The following TNC variants were observed in gnomAD, a reference collection of about 807,000 sequenced individuals.
TNC encodes tenascin C.
TNC carries 109 observed loss-of-function variants against 202.4 expected under a neutral mutation model. The ratio of observed to expected loss-of-function variants is 0.54; its 90% CI spans 0.46 to 0.63. The LOEUF (loss-of-function observed/expected upper bound fraction) is 0.63. Among genes scored for constraint, TNC ranks in the 30% least tolerant of loss-of-function variants. The pLI is 0.00. For synonymous variants in TNC, 1,007 were observed against 1,089.7 expected (o/e 0.92, Z 1.50); for missense variants, 2,756 against 2,833.3 (o/e 0.97, Z 0.62).
chr9:115,036,269 A>C (rs762196967), intron 20 of TNC, 28 bp from the exon 21 acceptor site: 11 of 1,611,918 alleles, frequency 6.8e-6, no homozygotes, highest in Middle Eastern at 3.3e-4. Flanking sequence ...ATACCAAGGC[A>C]GTCACCTCTC....
chr9:115,044,384 GACACACAC>G (rs113847516), intron 17 of TNC, among the ~76,000 whole-genome samples: 177 of 147,138 alleles, frequency 1.2e-3, no homozygotes, highest in African/African-American at 3.2e-3. Flanking sequence ...CAGGCATGTA[GACACACAC>G]ACACACACAC....
At position 115,048,293 on chromosome 9, in the gene TNC, G is replaced by A; in HGVS notation, c.4819C>T (p.Gln1607Ter). The change falls in exon 16 of 28, where the codon CAA becomes TAA. Residue 1607 changes from glutamine to a stop codon, truncating the protein, a stop_gained. Coordinates refer to ENST00000350763, the MANE Select transcript of TNC (RefSeq NM_002160.4). LOFTEE classifies it high-confidence loss of function. ...ATCTCAGCCCTCAAGGGCTTGGTTT[G>A]ATGCCCTTGGGTGAAGCCAGAGACC... ...VMVSGFTQGH[Q>*]TKPLRAEIVT... The A allele has an allele frequency of 6.2e-7, 1 of 1,614,048 alleles. No homozygotes were observed. Among genetic ancestry groups the A allele is most frequent in the Non-Finnish European group, 8.5e-7 (1 of 1,179,940 alleles).
chr9:115,082,267 A>T (rs1834361580), intron 5 of TNC, among the ~76,000 whole-genome samples: 3 of 152,198 alleles, frequency 2.0e-5, no homozygotes, highest in South Asian at 2.1e-4. Flanking sequence ...GGATAGTCAC[A>T]CAGCTGGTTG....
intron 1 of TNC, among the ~76,000 whole-genome samples, chr9:115,110,619 G>A (rs1836966896): frequency 6.6e-6 from 1 of 152,172 alleles, no homozygotes; most frequent in Non-Finnish European, 1.5e-5. Context: ...AATCGAAGAT[G>A]TTACTATTCA....
chr9:115,044,879 A>C (rs1161427804), intron 17 of TNC, among the ~76,000 whole-genome samples: 1 of 152,162 alleles, frequency 6.6e-6, no homozygotes, highest in Non-Finnish European at 1.5e-5. Flanking sequence ...ATTTCTTGCC[A>C]CTTATTAGGT....
intron 1 of TNC, among the ~76,000 whole-genome samples, chr9:115,114,235 A>G (rs1344207704): frequency 2.0e-5 from 3 of 152,218 alleles, no homozygotes; most frequent in African/African-American, 7.2e-5. Flanking sequence ...ATTCCCTACA[A>G]TCTTCTCAGA....
In TNC at chr9:115,038,194, G is replaced by C. The variant is rs202169636; in HGVS notation, c.5512+67C>G. On this transcript the variant is annotated intron_variant, in intron 20 of 27. Transcript: ENST00000350763. ...TACCAAATGTGGCAGGGAGAAGAGCGAATGGGAAGAGTTTACAGCAGGAAA... is the reference window on the plus strand; with the variant it reads ...TACCAAATGTGGCAGGGAGAAGAGCCAATGGGAAGAGTTTACAGCAGGAAA... 3 of 1,559,514 alleles carry C rather than the reference G, an allele frequency of 1.9e-6. No homozygotes were observed. In the East Asian group the frequency reaches 6.9e-5, roughly 36 times the overall value.
chr9:115,080,928 A>G (rs1834258385), intron 6 of TNC, among the ~76,000 whole-genome samples: 1 of 152,030 alleles, frequency 6.6e-6, no homozygotes, highest in African/African-American at 2.4e-5. Context: ...CTGGTGGAGC[A>G]ACTCCAAATT....
intron 1 of TNC, among the ~76,000 whole-genome samples, chr9:115,102,342 A>G (rs1355951859): frequency 6.6e-6 from 1 of 152,204 alleles, no homozygotes; most frequent in African/African-American, 2.4e-5. Context: ...GAAGTAGACC[A>G]TTAAGATGCC....
At position 115,024,143 on chromosome 9, in the gene TNC, G is replaced by C; in HGVS notation, c.6332-7C>G. 6.2e-7 allele frequency: 1 copy of C among 1,611,150 alleles called. No homozygotes were observed. Among genetic ancestry groups the C allele is most frequent in the Non-Finnish European group, 8.5e-7 (1 of 1,177,566 alleles). ...TGGTAGGCCATGGAGTCACCTGGGA[G>C]AGACAGAAAATATGGACCTGAGAAA... On this transcript the variant is annotated splice_region_variant and splice_polypyrimidine_tract_variant and intron_variant, in intron 26 of 27. Transcript: ENST00000350763.
At chr9:115,038,240 G>A (rs1249769970) in intron 20 of TNC, 21 bp downstream of exon 20, 2 of 1,611,390 alleles carry the variant, frequency 1.2e-6, no homozygotes, top group Non-Finnish European at 1.7e-6. Context: ...AGAGTGAGGA[G>A]AGACTTGGAC....
chr9:115,063,784 C>T lies in TNC; in HGVS notation c.3760+12G>A, dbSNP rs370964306. On this transcript the variant is annotated intron_variant, in intron 12 of 27. Coordinates refer to ENST00000350763, the MANE Select transcript of TNC (RefSeq NM_002160.4). ...AGGGGAGGAAGTGAATTAGTGAATT[C>T]GTCTAGAATACCTGTCAAGACTTCA... The T allele has an allele frequency of 6.1e-5, 97 of 1,600,668 alleles. No homozygotes were observed. The highest frequency in any genetic ancestry group is 3.3e-4 in the Middle Eastern group (2 of 5,996).
rs1830474544 is a variant in TNC, at chr9:115,038,207, T to C, written c.5512+54A>G. The C allele has an allele frequency of 3.8e-6, 6 of 1,584,008 alleles. No homozygotes were observed. The Admixed American group carries it at 1.0e-4, about 27-fold the overall frequency. ...AGGGAGAAGAGCGAATGGGAAGAGT[T>C]TACAGCAGGAAAGACACTCCTTAGA... On this transcript the variant is annotated intron_variant, in intron 20 of 27. Coordinates refer to ENST00000350763, the MANE Select transcript of TNC (RefSeq NM_002160.4).
intron 1 of TNC, among the ~76,000 whole-genome samples, chr9:115,115,489 T>A (rs1837395888): frequency 6.6e-6 from 1 of 152,206 alleles, no homozygotes; most frequent in South Asian, 2.1e-4. Context: ...CCAACAAATA[T>A]AGTCCATACC....
chr9:115,077,835 C>A (rs748629093), intron 7 of TNC, 108 bp downstream of exon 7: 3 of 1,200,356 alleles, frequency 2.5e-6, no homozygotes, highest in Non-Finnish European at 3.5e-6. Flanking sequence ...ATACCCCTTT[C>A]ATTTTTCGTA....
intron 1 of TNC, among the ~76,000 whole-genome samples, chr9:115,116,487 G>A (rs1837477613): frequency 6.6e-6 from 1 of 152,142 alleles, no homozygotes; most frequent in South Asian, 2.1e-4. Flanking sequence ...GTCCTGAATT[G>A]GGCTTGCCTG....
At chr9:115,036,901 CAGGCAAGCGGGGACA>C (rs1830373236) in intron 20 of TNC, among the ~76,000 whole-genome samples, 2 of 152,126 alleles carry the variant, frequency 1.3e-5, no homozygotes, top group African/African-American at 2.4e-5. Context: ...GAGACAGTAC[CAGGCAAGCGGGGACA>C]AGTTGGTCAA....
At chr9:115,106,140 G>A (rs1443045042) in intron 1 of TNC, among the ~76,000 whole-genome samples, 1 of 152,192 alleles carries the variant, frequency 6.6e-6, no homozygotes, top group African/African-American at 2.4e-5. Flanking sequence ...TAAACTAAGA[G>A]TGAAGCAAGT....
intron 23 of TNC, 110 bp downstream of exon 23, chr9:115,031,443 C>G: frequency 1.6e-6 from 2 of 1,253,860 alleles, no homozygotes; most frequent in Non-Finnish European, 1.1e-6. Context: ...TGAATCGATT[C>G]TTTTCAGAGG....
Sources: allele counts gnomAD v4.1 joint callset (sites outside exome capture counted in the v4.1 genomes callset), GRCh38; gene constraint gnomAD v4.1.1; transcripts MANE v1.5; gene names NCBI Gene and HGNC (gene_info 2026-07-23, HGNC 2026-07-21).